The following ZPLD1 variants were observed in gnomAD, a reference collection of about 807,000 sequenced individuals.
The protein encoded by ZPLD1 is zona pellucida-like domain-containing protein 1.
Under a neutral mutation model 47.2 loss-of-function variants are expected in ZPLD1, and 34 were observed. That is an observed-to-expected ratio of 0.72 (90% confidence interval 0.55 to 0.96). The LOEUF (loss-of-function observed/expected upper bound fraction) is 0.96, where lower values mean the gene tolerates loss of function less well. Ranked by LOEUF, ZPLD1 falls within the 40% of genes least tolerant of loss-of-function variation. The pLI, the probability that ZPLD1 is intolerant of heterozygous loss-of-function variation, is 0.00. For missense variants in ZPLD1, 512 were observed against 505.8 expected (o/e 1.01, Z -0.12); for synonymous variants, 176 against 186.2 (o/e 0.95, Z 0.45).
intron 3 of ZPLD1, among the ~76,000 whole-genome samples, chr3:102,440,696 A>C (rs940032870): frequency 1.3e-5 from 2 of 151,414 alleles, no homozygotes; most frequent in Non-Finnish European, 2.9e-5. Flanking sequence ...AAAAGTATGA[A>C]AATAGACTAC....
In ZPLD1 at chr3:102,470,538, C is replaced by T. The variant is rs1329524290; in HGVS notation, c.1042+36C>T. The stretch of plus-strand genomic sequence containing the variant: ...TCCTCCTTCTGTATGTAGTAATAGA[C>T]GGTTCCAAAATGCCTCGTTACTTGG... On this transcript the variant is annotated intron_variant, in intron 10 of 11. Coordinates refer to ENST00000466937, the MANE Select transcript of ZPLD1 (RefSeq NM_001329788.2). 3.8e-6 allele frequency: 6 copies of T among 1,562,752 alleles called. No homozygotes were observed. In the Admixed American group the frequency reaches 6.8e-5, roughly 18 times the overall value.
At chr3:102,457,705 C>T (rs764510043) in intron 5 of ZPLD1, 76 bp from the exon 6 acceptor site, 18 of 1,321,466 alleles carry the variant, frequency 1.4e-5, no homozygotes, top group Non-Finnish European at 2.0e-5. Context: ...AGTTTTAGTG[C>T]TTTAAGTCTA....
chr3:102,415,153 G>A lies in ZPLD1; in HGVS notation c.-156-2907G>A, dbSNP rs374568227. ...GCTATGTGGCCTGAAATCCCATTAG[G>A]ACATAGAGCCAATTTATTTGTGTAT... On this transcript the variant is annotated intron_variant, in intron 7 of 17. Transcript: ENST00000491959. Among the ~76,000 whole-genome samples, 3 of 151,758 alleles carry A rather than the reference G, an allele frequency of 2.0e-5. No homozygotes were observed. The East Asian group carries it at 5.8e-4, about 29-fold the overall frequency.
intron 4 of ZPLD1, among the ~76,000 whole-genome samples, chr3:102,455,849 G>A (rs531862084): frequency 1.3e-5 from 2 of 152,268 alleles, no homozygotes; most frequent in East Asian, 3.9e-4. Context: ...GAAGCTAAAG[G>A]GAAAAGGATC....
chr3:102,458,147 G>GTGTGTGTTTATTTGTTTAT (rs1243484951), intron 6 of ZPLD1, among the ~76,000 whole-genome samples: 1 of 152,064 alleles, frequency 6.6e-6, no homozygotes, highest in Non-Finnish European at 1.5e-5. Flanking sequence ...GTTTATTTAG[G>GTGTGTGTTTATTTGTTTAT]TAGGGGTGTG....
rs190858067 is a variant in ZPLD1 at position 102,452,212 on chromosome 3, G to C, written c.107-707G>C. Among the ~76,000 whole-genome samples the C allele has an allele frequency of 7.9e-5, 12 of 151,234 alleles. No individual in the cohort carries two copies. The East Asian group carries it at 2.3e-3, about 29-fold the overall frequency. ...GTCACAGATAACCCATGGAGTCATG[G>C]AGAACCATGCAAATTGTGTTTTACA... is the stretch of plus-strand genomic sequence containing the variant. On this transcript the variant is annotated intron_variant, in intron 3 of 11. Transcript: ENST00000466937.
At chr3:102,416,371 AT>A (rs957039381) in intron 7 of ZPLD1, among the ~76,000 whole-genome samples, 1 of 151,890 alleles carries the variant, frequency 6.6e-6, no homozygotes, top group African/African-American at 2.4e-5. Flanking sequence ...AGAGCTACTG[AT>A]TTTTTCTATA....
At position 102,478,941 on chromosome 3, in the gene ZPLD1, A is replaced by T. The variant is rs1299442800; in HGVS notation, c.*1323A>T. On this transcript the variant is annotated 3_prime_UTR_variant, in exon 12 of 12. Coordinates refer to ENST00000466937, the MANE Select transcript of ZPLD1 (RefSeq NM_001329788.2). ...TTCTATTCAACATTTGTGACCCATT[A>T]GTCCGGACTTAATTTACTATACTGC... The T allele has an allele frequency of 6.6e-6, 1 of 152,200 alleles. No homozygotes were observed. The highest frequency in any genetic ancestry group is 1.5e-5 in the Non-Finnish European group (1 of 68,032). The allele number at this position is 152,200 out of a possible 1,614,324, so 9.4% of individuals were successfully genotyped here.
chr3:102,437,678 T>C (rs79400005), intron 2 of ZPLD1, among the ~76,000 whole-genome samples: 9,407 of 152,256 alleles, frequency 0.062, 883 homozygotes, highest in African/African-American at 0.2. Flanking sequence ...GGAAAAAGAA[T>C]TATTAAACGC....
chr3:102,469,444 G>A (rs1559761699), intron 9 of ZPLD1, among the ~76,000 whole-genome samples: 1 of 152,278 alleles, frequency 6.6e-6, no homozygotes, highest in East Asian at 1.9e-4. Context: ...CAAATATATG[G>A]GTTGTAGTAA....
rs766506045 is a variant in ZPLD1, at chr3:102,478,687, A to G, written c.*1069A>G. 2 of 152,274 alleles carry G rather than the reference A, an allele frequency of 1.3e-5. No individual in the cohort carries two copies. The allele number at this position is 152,274 out of a possible 1,614,324, so 9.4% of individuals were successfully genotyped here. A position where few individuals can be genotyped will look rare whatever the true frequency, so the allele number is the denominator to read the frequency against. On this transcript the variant is annotated 3_prime_UTR_variant, in exon 12 of 12. Transcript: ENST00000466937. ...GGTGTCATAATTGCCATGAATAAAC[A>G]ATATTTTCCTCTAACAGTAAACTGC...
At chr3:102,413,672 C>G (rs547096088) in intron 7 of ZPLD1, among the ~76,000 whole-genome samples, 22 of 151,730 alleles carry the variant, frequency 1.4e-4, no homozygotes, top group Non-Finnish European at 2.4e-4. Flanking sequence ...CAGTACTGAC[C>G]AGCTGGGTAG....
intron 7 of ZPLD1, among the ~76,000 whole-genome samples, chr3:102,393,151 A>G (rs1011995858): frequency 8.5e-5 from 13 of 152,142 alleles, no homozygotes; most frequent in Non-Finnish European, 1.6e-4. Flanking sequence ...CCAAGGTGGA[A>G]ATTGAGCTAG....
chr3:102,408,218 T>C (rs1407053675), intron 7 of ZPLD1, among the ~76,000 whole-genome samples: 1 of 151,788 alleles, frequency 6.6e-6, no homozygotes, highest in Non-Finnish European at 1.5e-5. Context: ...AAAAAACCTA[T>C]TACCCTTCTA....
In ZPLD1 at chr3:102,462,265, A is replaced by G; in HGVS notation, c.583-16A>G. On this transcript the variant is annotated splice_polypyrimidine_tract_variant and intron_variant, in intron 6 of 11. Transcript: ENST00000466937. ...TTGGGGAGGTAATAATAGATTTTTTATTGTTTCATCATTAGGATTCAACCT... is the reference window on the plus strand; with the variant it reads ...TTGGGGAGGTAATAATAGATTTTTTGTTGTTTCATCATTAGGATTCAACCT... 3.2e-6 allele frequency: 5 copies of G among 1,543,712 alleles called. No homozygotes were observed. Among genetic ancestry groups the G allele is most frequent in the Non-Finnish European group, 3.6e-6 (4 of 1,125,898 alleles).
chr3:102,461,603 A>G (rs1452737740), intron 6 of ZPLD1, among the ~76,000 whole-genome samples: 3 of 152,144 alleles, frequency 2.0e-5, no homozygotes, highest in African/African-American at 7.2e-5. Flanking sequence ...TGCCCTATAA[A>G]AAATGTAATG....
At chr3:102,408,900 G>A (rs1706721185) in intron 7 of ZPLD1, among the ~76,000 whole-genome samples, 1 of 151,722 alleles carries the variant, frequency 6.6e-6, no homozygotes. Flanking sequence ...AAATGTGATA[G>A]CATAGTGAGC....
At chr3:102,445,012 T>C (rs1320719988) in intron 3 of ZPLD1, among the ~76,000 whole-genome samples, 1 of 152,200 alleles carries the variant, frequency 6.6e-6, no homozygotes, top group African/African-American at 2.4e-5. Flanking sequence ...CTTAGGTTCT[T>C]TGCTCTGGAC....
intron 7 of ZPLD1, among the ~76,000 whole-genome samples, chr3:102,398,120 C>A (rs542220027): frequency 3.3e-5 from 5 of 151,946 alleles, no homozygotes; most frequent in African/African-American, 1.2e-4. Context: ...TAAATAAAAG[C>A]TTTGATTTTA....
Sources: gnomAD v4.1 joint callset for allele counts (sites outside exome capture counted in the v4.1 genomes callset) on GRCh38, gnomAD v4.1.1 for gene constraint, MANE v1.5 for transcripts, NCBI Gene and HGNC (gene_info 2026-07-23, HGNC 2026-07-21) for gene names.